Variants in PCDH9 observed in about 807,000 individuals in gnomAD.
PCDH9 encodes the protein protocadherin 9, also known as protocadherin-9.
PCDH9 carries 24 observed loss-of-function variants against 70.6 expected under a neutral mutation model. The ratio of observed to expected loss-of-function variants is 0.34; its 90% CI spans 0.25 to 0.48. The LOEUF is 0.48. PCDH9 is among the 20% of genes least tolerant of loss of function. The pLI, the probability that PCDH9 is intolerant of heterozygous loss-of-function variation, is 0.99. For synonymous variants in PCDH9, 562 were observed against 558.5 expected (o/e 1.01, Z -0.09); for missense variants, 1,281 against 1,503.6 (o/e 0.85, Z 2.45).
chr13:66,586,917 G>T (rs1357825172), intron 4 of PCDH9, among the ~76,000 whole-genome samples: 2 of 152,184 alleles, frequency 1.3e-5, no homozygotes, highest in African/African-American at 4.8e-5. Flanking sequence ...AAAGTAAGTA[G>T]ATTTTATTGA....
chr13:67,027,251 A>G (rs1284417203), intron 2 of PCDH9, among the ~76,000 whole-genome samples: 1 of 152,152 alleles, frequency 6.6e-6, no homozygotes, highest in Non-Finnish European at 1.5e-5. Flanking sequence ...AGCCCTCAGA[A>G]ATAACGCCGC....
At chr13:66,593,538 T>C (rs1302039692) in intron 4 of PCDH9, among the ~76,000 whole-genome samples, 7 of 151,670 alleles carry the variant, frequency 4.6e-5, no homozygotes, top group Non-Finnish European at 1.0e-4. Flanking sequence ...TATATAAAAA[T>C]CATTTGTAAG....
At chr13:66,554,006 T>C (rs1961610980) in intron 4 of PCDH9, among the ~76,000 whole-genome samples, 1 of 152,134 alleles carries the variant, frequency 6.6e-6, no homozygotes, top group African/African-American at 2.4e-5. Flanking sequence ...AGTTCTAAAT[T>C]GCTCCTTATA....
At chr13:66,788,632 A>C (rs1594062767) in intron 3 of PCDH9, among the ~76,000 whole-genome samples, 1 of 148,406 alleles carries the variant, frequency 6.7e-6, no homozygotes, top group South Asian at 2.1e-4. Context: ...CTCCCAGGGT[A>C]CAAAGCTAAA....
intron 4 of PCDH9, among the ~76,000 whole-genome samples, chr13:66,496,931 C>T (rs1051580214): frequency 2.0e-5 from 3 of 152,182 alleles, no homozygotes; most frequent in South Asian, 4.1e-4. Context: ...TAACTGGCTA[C>T]GATTGGTTAT....
chr13:66,944,185 C>A (rs903992231), intron 2 of PCDH9, among the ~76,000 whole-genome samples: 5 of 151,980 alleles, frequency 3.3e-5, no homozygotes, highest in Non-Finnish European at 7.4e-5. Flanking sequence ...TAACAACTGA[C>A]CTACTTTATT....
chr13:66,522,873 GT>G (rs1414790387), intron 4 of PCDH9, among the ~76,000 whole-genome samples: 2 of 151,912 alleles, frequency 1.3e-5, no homozygotes, highest in Admixed American at 6.6e-5. Context: ...TATTGTTGTT[GT>G]TTTTTTAACG....
chr13:66,801,085 G>C (rs1594078563), intron 3 of PCDH9, among the ~76,000 whole-genome samples: 2 of 151,140 alleles, frequency 1.3e-5, no homozygotes, highest in African/African-American at 4.9e-5. Context: ...ACCTCGAGGA[G>C]GGGGATGTAG....
intron 3 of PCDH9, among the ~76,000 whole-genome samples, chr13:66,792,022 C>T (rs1385865843): frequency 6.6e-6 from 1 of 152,104 alleles, no homozygotes; most frequent in African/African-American, 2.4e-5. Flanking sequence ...ATTTAGAATG[C>T]TTACTTTGCT....
intron 3 of PCDH9, among the ~76,000 whole-genome samples, chr13:66,640,243 C>A (rs1456925926): frequency 2.0e-5 from 3 of 152,108 alleles, no homozygotes; most frequent in Non-Finnish European, 4.4e-5. Flanking sequence ...GTGTGATAAA[C>A]CTCTTGTCAA....
At chr13:66,658,521 T>C (rs1307233338) in intron 3 of PCDH9, among the ~76,000 whole-genome samples, 1 of 152,166 alleles carries the variant, frequency 6.6e-6, no homozygotes, top group African/African-American at 2.4e-5. Context: ...ATCAATTTTA[T>C]CTTTTCTCTA....
chr13:66,380,910 T>G (rs1373606333), intron 4 of PCDH9, among the ~76,000 whole-genome samples: 1 of 152,110 alleles, frequency 6.6e-6, no homozygotes, highest in Non-Finnish European at 1.5e-5. Context: ...ATGTAATCTG[T>G]TTTTTTCTTT....
intron 3 of PCDH9, among the ~76,000 whole-genome samples, chr13:66,740,907 G>C (rs1303204422): frequency 1.4e-4 from 16 of 112,826 alleles, no homozygotes; most frequent in Admixed American, 1.1e-3. Flanking sequence ...AATTCTACCA[G>C]AGGTACAAGG....
chr13:66,864,443 A>G (rs564582174), intron 3 of PCDH9, among the ~76,000 whole-genome samples: 2 of 152,282 alleles, frequency 1.3e-5, no homozygotes, highest in African/African-American at 4.8e-5. Context: ...TAAAATCTGC[A>G]TAGGCTTCTT....
chr13:66,523,892 CAGAT>C (rs759691035), intron 4 of PCDH9, among the ~76,000 whole-genome samples: 13 of 151,898 alleles, frequency 8.6e-5, no homozygotes, highest in African/African-American at 1.7e-4. Flanking sequence ...ATTTATATAA[CAGAT>C]AGATAGTTTT....
At position 66,756,005 on chromosome 13, in the gene PCDH9, T is replaced by C. The variant is rs563627602; in HGVS notation, c.3139-124594A>G. Among the ~76,000 whole-genome samples, 5 of 152,204 alleles carry C rather than the reference T, an allele frequency of 3.3e-5. No individual in the cohort carries two copies. The South Asian group carries it at 1.0e-3, about 32-fold the overall frequency. On this transcript the variant is annotated intron_variant, in intron 3 of 4. Transcript: ENST00000377865. ...CTTATTAATAATGATTGCCCAGTAA[T>C]TGTGGTCAAATATTGATTAATACCA...
At chr13:67,174,529 C>A (rs185769592) in intron 2 of PCDH9, among the ~76,000 whole-genome samples, 27 of 152,066 alleles carry the variant, frequency 1.8e-4, no homozygotes, top group Non-Finnish European at 3.1e-4. Flanking sequence ...CAGGTGAGCA[C>A]GAGTGACGTG....
chr13:66,757,901 C>G (rs1339564742), intron 3 of PCDH9, among the ~76,000 whole-genome samples: 2 of 152,048 alleles, frequency 1.3e-5, no homozygotes, highest in African/African-American at 4.8e-5. Flanking sequence ...AATAGTTCAA[C>G]AACTTAGCCT....
At chr13:67,055,085 A>G (rs1286593911) in intron 2 of PCDH9, among the ~76,000 whole-genome samples, 2 of 152,154 alleles carry the variant, frequency 1.3e-5, no homozygotes, top group Non-Finnish European at 2.9e-5. Flanking sequence ...CATTTTATGG[A>G]TTATATTTTA....
Sources: gnomAD v4.1 joint callset for allele counts (sites outside exome capture counted in the v4.1 genomes callset) on GRCh38, gnomAD v4.1.1 for gene constraint, MANE v1.5 for transcripts, NCBI Gene and HGNC (gene_info 2026-07-23, HGNC 2026-07-21) for gene names.